Variants in KIF25 observed in about 807,000 individuals in gnomAD.
KIF25 encodes the protein kinesin-like protein KIF25.
Under a neutral mutation model 32.9 loss-of-function variants are expected in KIF25, and 19 were observed. That is an observed-to-expected ratio of 0.58 (90% confidence interval 0.40 to 0.85). KIF25 has a LOEUF of 0.85. Ranked by LOEUF, KIF25 falls within the 40% of genes least tolerant of loss-of-function variation. KIF25 has a pLI of 0.00. For synonymous variants in KIF25, 225 were observed against 213.7 expected (o/e 1.05, Z -0.46); for missense variants, 485 against 507.0 (o/e 0.96, Z 0.42).
In KIF25 at chr6:168,040,949, G is replaced by A. The variant is rs78025121; in HGVS notation, c.646+733G>A. ...GCTGCAACTCTCAAACTTGAGCTGCGTCCAATTCCCTGCAGCAGGTGGTGG... is the reference window on the plus strand; with the variant it reads ...GCTGCAACTCTCAAACTTGAGCTGCATCCAATTCCCTGCAGCAGGTGGTGG... On this transcript the variant is annotated intron_variant, in intron 10 of 12. Coordinates refer to ENST00000643607, the MANE Select transcript of KIF25 (RefSeq NM_030615.4). Among the ~76,000 whole-genome samples, 980 of 152,294 alleles carry A rather than the reference G, an allele frequency of 6.4e-3. 9 individuals are homozygous for A. Among genetic ancestry groups the A allele is most frequent in the African/African-American group, 0.022 (933 of 41,564 alleles).
At chr6:168,040,459 G>A (rs2073633) in intron 10 of KIF25, among the ~76,000 whole-genome samples, 11,541 of 152,092 alleles carry the variant, frequency 0.076, 624 homozygotes, top group East Asian at 0.22. Flanking sequence ...CCAGCTACTC[G>A]GGAGGCTGAG....
intron 2 of KIF25, among the ~76,000 whole-genome samples, chr6:168,001,196 G>A (rs1402118266): frequency 2.0e-5 from 3 of 152,198 alleles, no homozygotes; most frequent in African/African-American, 4.8e-5. Flanking sequence ...AAGTGTTTCC[G>A]ATGTTGAATT....
At chr6:168,033,792 T>C (rs1798974751) in intron 7 of KIF25, 90 bp from the exon 8 acceptor site, 3 of 1,337,006 alleles carry the variant, frequency 2.2e-6, no homozygotes, top group African/African-American at 1.5e-5. Context: ...ATGAAATGTA[T>C]TGAAGTTTCT....
At chr6:168,043,919 A>T (rs1474677765) in intron 12 of KIF25, among the ~76,000 whole-genome samples, 1 of 152,210 alleles carries the variant, frequency 6.6e-6, no homozygotes, top group Non-Finnish European at 1.5e-5. Flanking sequence ...AGTCCTGGGC[A>T]CACGGCCCCT....
At chr6:168,001,660 C>T in intron 2 of KIF25, among the ~76,000 whole-genome samples, 1 of 108,786 alleles carries the variant, frequency 9.2e-6, no homozygotes, top group Non-Finnish European at 1.8e-5. Flanking sequence ...TGGCCTCGGG[C>T]AGGTGAGAAG....
Position 168,044,853 on chromosome 6 carries a change from C to G in KIF25, c.1012C>G (p.Leu338Val), listed in dbSNP as rs1456610336. The G allele has an allele frequency of 6.3e-7, 1 of 1,599,286 alleles. No homozygotes were observed. The highest frequency in any genetic ancestry group is 1.1e-5 in the South Asian group (1 of 88,942). The change falls in exon 13 of 13, where the codon CTC becomes GTC. Residue 338 changes from leucine (L) to valine (V), a missense_variant. Leu to Val is a conservative substitution (Grantham distance 32, BLOSUM62 1). Around this residue, in one of 2 missense-constraint regions of KIF25, gnomAD observed 480 missense variants for 470.3 expected, o/e 1.02. Transcript: ENST00000643607. ...LGGDAKLLVI[L>V]CISPSQRHLA... ...AGGCGATGCGAAGTTACTGGTGATT[C>G]TCTGCATTTCTCCCAGCCAGAGGCA...
At chr6:168,016,004 C>T (rs1361926485) in intron 4 of KIF25, among the ~76,000 whole-genome samples, 1 of 152,064 alleles carries the variant, frequency 6.6e-6, no homozygotes, top group African/African-American at 2.4e-5. Flanking sequence ...GGTGTGTGTT[C>T]CTGTACGGTT....
At chr6:168,011,861 T>C (rs763346754) in intron 4 of KIF25, among the ~76,000 whole-genome samples, 1 of 152,190 alleles carries the variant, frequency 6.6e-6, no homozygotes, top group Non-Finnish European at 1.5e-5. Context: ...TTCTTCATTA[T>C]TTTTTATTAT....
chr6:168,031,086 G>A (rs1798935063), intron 7 of KIF25, among the ~76,000 whole-genome samples: 1 of 152,156 alleles, frequency 6.6e-6, no homozygotes, highest in African/African-American at 2.4e-5. Flanking sequence ...ATCCACCTGG[G>A]ATTCCAAACT....
At chr6:168,013,347 C>T (rs926805147) in intron 4 of KIF25, among the ~76,000 whole-genome samples, 1 of 151,984 alleles carries the variant, frequency 6.6e-6, no homozygotes, top group Non-Finnish European at 1.5e-5. Flanking sequence ...GCCGGAGTCA[C>T]AGCTGATCCT....
rs746548312 is a variant in KIF25 at position 168,042,166 on chromosome 6, G to A, written c.829+15G>A. 7.1e-6 allele frequency: 11 copies of A among 1,545,446 alleles called. No individual in the cohort carries two copies. Among genetic ancestry groups the A allele is most frequent in the Non-Finnish European group, 9.6e-6 (11 of 1,144,364 alleles). On this transcript the variant is annotated intron_variant, in intron 11 of 12. Coordinates refer to ENST00000643607, the MANE Select transcript of KIF25 (RefSeq NM_030615.4). ...CGAGTGCGTTGGTGAGCAGGGGCAG[G>A]CATTTCCCTGGGGGGTGGGTGCTGC... is the stretch of plus-strand genomic sequence containing the variant.
At chr6:168,004,439 T>G in intron 4 of KIF25, among the ~76,000 whole-genome samples, 1 of 152,188 alleles carries the variant, frequency 6.6e-6, no homozygotes. Flanking sequence ...ATTAATTTTT[T>G]GGGTGCTAGA....
chr6:168,000,253 C>T (rs1313393889), intron 2 of KIF25, among the ~76,000 whole-genome samples: 3 of 124,564 alleles, frequency 2.4e-5, no homozygotes, highest in African/African-American at 3.1e-5. Context: ...CCCGACCACG[C>T]CTGACCTTCT....
chr6:168,024,338 T>A (rs917437210), intron 5 of KIF25, among the ~76,000 whole-genome samples: 1 of 151,080 alleles, frequency 6.6e-6, no homozygotes, highest in Admixed American at 6.6e-5. Flanking sequence ...AATCCTTCAC[T>A]GGGCTGACCT....
In KIF25 at chr6:168,044,636, G is replaced by A. The variant is rs554967988; in HGVS notation, c.986-191G>A. On this transcript the variant is annotated intron_variant, in intron 12 of 12. Coordinates refer to ENST00000643607, the MANE Select transcript of KIF25 (RefSeq NM_030615.4). ...GCTGACCCTCCCGGACCCGGGTGAG[G>A]GGCGCTAGTGACCGGCTGCTGACCC... Among the ~76,000 whole-genome samples the A allele has an allele frequency of 2.0e-5, 3 of 152,174 alleles. No homozygotes were observed. In the East Asian group the frequency reaches 5.8e-4, roughly 29 times the overall value.
At chr6:168,031,572 C>T (rs918134480) in intron 7 of KIF25, among the ~76,000 whole-genome samples, 8 of 152,216 alleles carry the variant, frequency 5.3e-5, no homozygotes, top group East Asian at 1.9e-4. Context: ...CGCACGCACG[C>T]GGGGCCGCTC....
chr6:168,022,405 C>T (rs1021678154), intron 5 of KIF25, among the ~76,000 whole-genome samples: 3 of 151,928 alleles, frequency 2.0e-5, no homozygotes, highest in African/African-American at 7.3e-5. Flanking sequence ...TTTTGTGTTC[C>T]TTATTTTGTA....
chr6:168,015,988 C>T (rs1186099008), intron 4 of KIF25, among the ~76,000 whole-genome samples: 1 of 152,122 alleles, frequency 6.6e-6, no homozygotes, highest in Non-Finnish European at 1.5e-5. Context: ...CAGTAAAACA[C>T]TCTGGGGTGT....
At chr6:168,036,740 T>C (rs760166795) in intron 8 of KIF25, among the ~76,000 whole-genome samples, 4 of 152,180 alleles carry the variant, frequency 2.6e-5, no homozygotes, top group African/African-American at 9.7e-5. Context: ...GCATTTTGCC[T>C]AAGGTGTGGA....
Sources: gnomAD v4.1 joint callset for allele counts (sites outside exome capture counted in the v4.1 genomes callset) on GRCh38, gnomAD v4.1.1 for gene constraint, gnomAD v4.1.1 regional missense constraint, MANE v1.5 for transcripts, NCBI Gene and HGNC (gene_info 2026-07-23, HGNC 2026-07-21) for gene names.